FAM184A: variants seen among roughly 807,000 people sequenced by gnomAD.
The protein encoded by FAM184A is family with sequence similarity 184 member A, also known as protein FAM184A.
A neutral mutation model predicts 143.8 loss-of-function variants in FAM184A; 99 were observed. The ratio of observed to expected loss-of-function variants is 0.69; its 90% CI spans 0.58 to 0.81. The LOEUF (loss-of-function observed/expected upper bound fraction) is 0.81, where lower values mean the gene tolerates loss of function less well. Ranked by LOEUF, FAM184A falls within the 40% of genes least tolerant of loss-of-function variation. The probability of loss-of-function intolerance (pLI) is 0.00; values close to 1 mark genes in which losing one functional copy is unlikely to be tolerated. For missense variants in FAM184A, 1,217 were observed against 1,310.5 expected (o/e 0.93, Z 1.10); for synonymous variants, 427 against 446.4 (o/e 0.96, Z 0.55).
intron 1 of FAM184A, among the ~76,000 whole-genome samples, chr6:119,058,975 T>C (rs150115739): frequency 6.6e-6 from 1 of 151,982 alleles, no homozygotes; most frequent in East Asian, 1.9e-4. Flanking sequence ...TATTATTTTA[T>C]TTTATATTTT....
intron 3 of FAM184A, among the ~76,000 whole-genome samples, chr6:119,022,053 C>CTTTTTTTTTTTTTTTT (rs34128659): frequency 7.1e-5 from 6 of 84,392 alleles, no homozygotes; most frequent in African/African-American, 9.1e-5. Flanking sequence ...TTCGTTCTTT[C>CTTTTTTTTTTTTTTTT]TTTTTTTTTT....
chr6:119,070,230 T>A (rs1056740407), intron 1 of FAM184A, among the ~76,000 whole-genome samples: 1 of 152,174 alleles, frequency 6.6e-6, no homozygotes, highest in Non-Finnish European at 1.5e-5. Context: ...TTATACATTC[T>A]CGTTGAAGTT....
chr6:119,115,569 C>A (rs1282903369), intron 1 of FAM184A, among the ~76,000 whole-genome samples: 1 of 152,172 alleles, frequency 6.6e-6, no homozygotes, highest in Non-Finnish European at 1.5e-5. Context: ...GATGATGCCA[C>A]ACATACATCA....
intron 5 of FAM184A, 107 bp downstream of exon 5, chr6:119,016,639 TG>T: frequency 2.2e-6 from 2 of 902,612 alleles, no homozygotes; most frequent in South Asian, 1.5e-5. Context: ...CGGGGGTCCG[TG>T]GGTTTATTCT....
chr6:118,978,144 G>A (rs1461218328), intron 11 of FAM184A, among the ~76,000 whole-genome samples: 1 of 152,006 alleles, frequency 6.6e-6, no homozygotes, highest in Non-Finnish European at 1.5e-5. Context: ...TGTATTTTTA[G>A]TAGAGATGCA....
chr6:119,140,312 C>A (rs1223865778), intron 1 of FAM184A, among the ~76,000 whole-genome samples: 2 of 152,082 alleles, frequency 1.3e-5, no homozygotes, highest in Non-Finnish European at 2.9e-5. Flanking sequence ...TATTGTTTGC[C>A]ATTTCCCATG....
At chr6:119,059,192 C>A (rs1787126372) in intron 1 of FAM184A, among the ~76,000 whole-genome samples, 1 of 151,988 alleles carries the variant, frequency 6.6e-6, no homozygotes, top group South Asian at 2.1e-4. Context: ...ATTGTCCAGG[C>A]TGGTCTTGAA....
intron 1 of FAM184A, among the ~76,000 whole-genome samples, chr6:119,028,136 A>C (rs1481734662): frequency 6.6e-6 from 1 of 152,212 alleles, no homozygotes; most frequent in African/African-American, 2.4e-5. Context: ...CCTTGCCTGC[A>C]AGCCATCAGG....
chr6:119,012,038 G>A (rs1785105981), intron 5 of FAM184A, among the ~76,000 whole-genome samples: 1 of 152,192 alleles, frequency 6.6e-6, no homozygotes, highest in Non-Finnish European at 1.5e-5. Flanking sequence ...GGGAGTACGG[G>A]AGTATATGGA....
At chr6:118,998,591 CT>C (rs1466091220) in intron 9 of FAM184A, among the ~76,000 whole-genome samples, 4 of 152,154 alleles carry the variant, frequency 2.6e-5, no homozygotes, top group Admixed American at 2.6e-4. Flanking sequence ...AAAGAAAGCT[CT>C]TTTTGTGGAG....
intron 1 of FAM184A, among the ~76,000 whole-genome samples, chr6:119,071,363 C>G (rs979230362): frequency 2.6e-5 from 4 of 152,270 alleles, no homozygotes; most frequent in African/African-American, 9.6e-5. Flanking sequence ...AATTTTCACA[C>G]CAAGTATGGC....
At chr6:119,057,709 C>T (rs1001454476) in intron 1 of FAM184A, among the ~76,000 whole-genome samples, 2 of 152,038 alleles carry the variant, frequency 1.3e-5, no homozygotes, top group Non-Finnish European at 2.9e-5. Context: ...AGCCTGTGCA[C>T]TCCACCCCAG....
At chr6:119,099,067 G>A (rs1156286919) in intron 1 of FAM184A, among the ~76,000 whole-genome samples, 1 of 152,168 alleles carries the variant, frequency 6.6e-6, no homozygotes, top group Non-Finnish European at 1.5e-5. Context: ...CCGAGATCAT[G>A]CCATTGCACT....
chr6:119,014,636 A>G (rs1233360415), intron 5 of FAM184A, among the ~76,000 whole-genome samples: 1 of 152,254 alleles, frequency 6.6e-6, no homozygotes, highest in African/African-American at 2.4e-5. Flanking sequence ...CAGTGTTTCT[A>G]TTATGGCTTA....
intron 1 of FAM184A, among the ~76,000 whole-genome samples, chr6:119,053,832 G>A (rs534594055): frequency 1.3e-4 from 20 of 152,316 alleles, no homozygotes; most frequent in Non-Finnish European, 2.4e-4. Flanking sequence ...CTGAAACAGA[G>A]TAGTATTATC....
At chr6:119,070,134 T>C (rs1453485437) in intron 1 of FAM184A, among the ~76,000 whole-genome samples, 2 of 152,158 alleles carry the variant, frequency 1.3e-5, no homozygotes, top group Non-Finnish European at 2.9e-5. Context: ...CTATAGATCC[T>C]TTGATAGTTT....
chr6:119,011,298 A>G lies in FAM184A; in HGVS notation c.1653+11T>C, dbSNP rs1785080755. ...TCTATAACATAGGCAACAGGTCTAA[A>G]GAATTCTTGCCTCTTGATTGGCTGT... On this transcript the variant is annotated intron_variant, in intron 6 of 17. Coordinates refer to ENST00000338891, the MANE Select transcript of FAM184A (RefSeq NM_024581.6). 2 of 1,606,554 alleles carry G rather than the reference A, an allele frequency of 1.2e-6. No homozygotes were observed. Among genetic ancestry groups the G allele is most frequent in the African/African-American group, 1.3e-5 (1 of 74,518 alleles).
intron 9 of FAM184A, among the ~76,000 whole-genome samples, chr6:118,999,425 TC>T (rs1784680441): frequency 6.6e-6 from 1 of 152,204 alleles, no homozygotes; most frequent in African/African-American, 2.4e-5. Context: ...GTCAAGGTTT[TC>T]CACAATAACC....
At chr6:119,001,042 A>G (rs1156785551) in intron 9 of FAM184A, among the ~76,000 whole-genome samples, 1 of 150,718 alleles carries the variant, frequency 6.6e-6, no homozygotes, top group Non-Finnish European at 1.5e-5. Context: ...CGAGACAACA[A>G]GATCCAGAGC....
Sources: gnomAD v4.1 joint callset for allele counts (sites outside exome capture counted in the v4.1 genomes callset) on GRCh38, gnomAD v4.1.1 for gene constraint, MANE v1.5 for transcripts, NCBI Gene and HGNC (gene_info 2026-07-23, HGNC 2026-07-21) for gene names.